ADCY10: variants seen among roughly 807,000 people sequenced by gnomAD.
ADCY10 encodes the protein adenylate cyclase type 10.
In ADCY10, 156 loss-of-function variants were observed where a neutral mutation model predicts 183.3. The ratio of observed to expected loss-of-function variants is 0.85; its 90% CI spans 0.75 to 0.97. ADCY10 has a LOEUF of 0.97. ADCY10 is among the 50% of genes least tolerant of loss of function. The pLI is 0.00. For missense variants in ADCY10, 1,745 were observed against 1,934.3 expected, an observed-to-expected ratio of 0.90 and a Z score of 1.84; for synonymous variants, 645 against 670.0, an observed-to-expected ratio of 0.96 and a Z score of 0.58.
At chr1:167,880,288 G>C in intron 10 of ADCY10, 97 bp from the exon 11 acceptor site, 1 of 1,194,636 alleles carries the variant, frequency 8.4e-7, no homozygotes, top group Non-Finnish European at 1.2e-6. Flanking sequence ...GTTGGGAAAG[G>C]GTGGGAAAGG....
rs138710768 is a variant in ADCY10 at position 167,881,919 on chromosome 1, A to G, written c.1021-1310T>C. The stretch of plus-strand genomic sequence containing the variant: ...GAAGTAATCCCTTTCCAGAACTCCC[A>G]TAGCACAGAGTTAGTTCGTCTCATA... On this transcript the variant is annotated intron_variant, in intron 9 of 32. Transcript: ENST00000367851. Among the ~76,000 whole-genome samples the G allele has an allele frequency of 4.1e-3, 617 of 152,344 alleles. 3 individuals carry two copies. The highest frequency in any genetic ancestry group is 7.2e-3 in the Non-Finnish European group (492 of 68,030).
intron 13 of ADCY10, among the ~76,000 whole-genome samples, chr1:167,870,638 C>CAAAAAAAAAA (rs58787930): frequency 8.5e-5 from 8 of 93,610 alleles, no homozygotes; most frequent in Non-Finnish European, 1.4e-4. Context: ...ACTGAAAATA[C>CAAAAAAAAAA]AAAAAAAAAA....
intron 16 of ADCY10, among the ~76,000 whole-genome samples, chr1:167,857,179 A>G (rs1665974796): frequency 6.6e-6 from 1 of 152,226 alleles, no homozygotes. Flanking sequence ...AGGTGTCACA[A>G]TGCAGAAAAC....
At chr1:167,901,860 T>A in intron 4 of ADCY10, 55 bp from the exon 5 acceptor site, 2 of 1,613,692 alleles carry the variant, frequency 1.2e-6, no homozygotes, top group Non-Finnish European at 1.7e-6. Flanking sequence ...TCAATCTATT[T>A]TGTATGAGAT....
Position 167,811,223 on chromosome 1 carries a change from A to G in ADCY10, c.4483-310T>C, listed in dbSNP as rs1363227844. ...GGCAGTACAAGTTAATTGTTGAAAA[A>G]TTAGGAAAAAAAATTGGCCATTTCT... is the stretch of plus-strand genomic sequence containing the variant. On this transcript the variant is annotated intron_variant, in intron 31 of 32. Transcript: ENST00000367851. 2.6e-5 allele frequency among the ~76,000 whole-genome samples: 4 copies of G among 152,104 alleles called. 1 individual carries two copies. In the South Asian group the frequency reaches 8.3e-4, roughly 32 times the overall value.
chr1:167,814,275 A>T (rs1322968320), intron 31 of ADCY10, among the ~76,000 whole-genome samples: 1 of 152,060 alleles, frequency 6.6e-6, no homozygotes, highest in Non-Finnish European at 1.5e-5. Flanking sequence ...AGATAGAAAA[A>T]GATACTTTAT....
chr1:167,910,874 T>G (rs141856358), intron 1 of ADCY10, among the ~76,000 whole-genome samples: 22 of 152,330 alleles, frequency 1.4e-4, no homozygotes, highest in African/African-American at 5.3e-4. Flanking sequence ...ACTGAGCTAA[T>G]GAAAACAGAG....
intron 29 of ADCY10, 25 bp downstream of exon 29, chr1:167,822,983 T>C: frequency 6.2e-7 from 1 of 1,606,800 alleles, no homozygotes; most frequent in Non-Finnish European, 8.5e-7. Flanking sequence ...CCCCAAGTTC[T>C]TTTACATCCC....
intron 21 of ADCY10, among the ~76,000 whole-genome samples, chr1:167,837,804 G>A (rs1484715262): frequency 2.0e-5 from 3 of 152,152 alleles, no homozygotes; most frequent in Non-Finnish European, 4.4e-5. Flanking sequence ...TAAACCTGAA[G>A]AAAGTGACAT....
intron 28 of ADCY10, 51 bp from the exon 29 acceptor site, chr1:167,823,174 C>G (rs548855914): frequency 6.5e-7 from 1 of 1,527,640 alleles, no homozygotes; most frequent in Non-Finnish European, 9.1e-7. Context: ...ATATTGTAAT[C>G]CCAGCACTTT....
chr1:167,839,205 T>C (rs1289348401), intron 21 of ADCY10, among the ~76,000 whole-genome samples: 1 of 152,258 alleles, frequency 6.6e-6, no homozygotes, highest in East Asian at 1.9e-4. Context: ...CATTGTCCCT[T>C]TTCTCATTAG....
intron 14 of ADCY10, among the ~76,000 whole-genome samples, chr1:167,862,298 T>C (rs1283225366): frequency 6.6e-6 from 1 of 152,232 alleles, no homozygotes; most frequent in Non-Finnish European, 1.5e-5. Flanking sequence ...GAGATCATGC[T>C]AGAGTAGGGT....
chr1:167,856,168 T>G lies in ADCY10; in HGVS notation c.2168A>C (p.Asp723Ala). Residue 723 changes from aspartate to alanine, a missense_variant, in exon 17 of 33, where the codon GAC becomes GCC. By Grantham distance (126) the Asp-to-Ala change is moderately radical. Transcript: ENST00000367851. ...AGAATAGAAAGAGGTTACTTACGAGTCCAGTTCTTTGGAGATGCAGCTCAC... is the reference window on the plus strand; with the variant it reads ...AGAATAGAAAGAGGTTACTTACGAGGCCAGTTCTTTGGAGATGCAGCTCAC... The part of the protein sequence containing the change: ...LNVSCISKEL[D>A]SYLGEGSCGI... 2 of 1,613,828 alleles carry G rather than the reference T, an allele frequency of 1.2e-6. No individual in the cohort carries two copies. Among genetic ancestry groups the G allele is most frequent in the Non-Finnish European group, 1.7e-6 (2 of 1,179,834 alleles).
chr1:167,896,587 GTACT>G lies in ADCY10; in HGVS notation c.739+4_739+7del, dbSNP rs1668991760. ...AGGCAAAGGCATTTTTCCATGGTGG[GTACT>G]TACTTTTGTGCTCACCAGAAGGATA... On this transcript the variant is annotated splice_donor_5th_base_variant and intron_variant, in intron 7 of 32. Coordinates refer to ENST00000367851, the MANE Select transcript of ADCY10 (RefSeq NM_018417.6). 6.2e-7 allele frequency: 1 copy of G among 1,600,262 alleles called. No individual in the cohort carries two copies. The highest frequency in any genetic ancestry group is 1.1e-5 in the South Asian group (1 of 90,788).
At chr1:167,870,439 A>T in intron 13 of ADCY10, 29 bp from the exon 14 acceptor site, 1 of 1,565,668 alleles carries the variant, frequency 6.4e-7, no homozygotes, top group African/African-American at 1.3e-5. Flanking sequence ...AAAAAGAGCA[A>T]ACTCAATCAA....
chr1:167,902,188 C>T, intron 3 of ADCY10, 134 bp from the exon 4 acceptor site: 1 of 906,146 alleles, frequency 1.1e-6, no homozygotes, highest in East Asian at 2.5e-5. Flanking sequence ...CTAAAGATCT[C>T]ATCCCAGACA....
rs912983347 is a variant in ADCY10 at position 167,827,408 on chromosome 1, C to T, written c.3750+1859G>A. On this transcript the variant is annotated intron_variant, in intron 26 of 32. Coordinates refer to ENST00000367851, the MANE Select transcript of ADCY10 (RefSeq NM_018417.6). ...GTCTTGATCTCCTTACCTTGTGATC[C>T]GCCCACCTCGGCCTCCCAAAGTGCT... Among the ~76,000 whole-genome samples the T allele has an allele frequency of 2.7e-5, 4 of 150,408 alleles. No homozygotes were observed. In the South Asian group the frequency reaches 6.3e-4, roughly 24 times the overall value.
chr1:167,859,719 A>T, intron 16 of ADCY10, 88 bp downstream of exon 16: 1 of 945,732 alleles, frequency 1.1e-6, no homozygotes. Flanking sequence ...CCTCTTGCCA[A>T]TGTGGTCTGA....
At chr1:167,870,110 A>C in intron 14 of ADCY10, 147 bp downstream of exon 14, 3 of 858,766 alleles carry the variant, frequency 3.5e-6, no homozygotes, top group Non-Finnish European at 5.6e-6. Context: ...GTTTATTGTT[A>C]GTTATCTATT....
Sources: gnomAD v4.1 joint callset for allele counts (sites outside exome capture counted in the v4.1 genomes callset) on GRCh38, gnomAD v4.1.1 for gene constraint, MANE v1.5 for transcripts, NCBI Gene and HGNC (gene_info 2026-07-23, HGNC 2026-07-21) for gene names.